Variants in IRAG1 observed in about 807,000 individuals in gnomAD.
IRAG1 encodes the protein IP3R-associated cGMP kinase substrate.
Under a neutral mutation model 106.2 loss-of-function variants are expected in IRAG1, and 62 were observed. That is an observed-to-expected ratio of 0.58 (90% CI 0.48 to 0.72). The LOEUF is 0.72. Ranked by LOEUF, IRAG1 falls within the 30% of genes least tolerant of loss-of-function variation. The pLI, the probability that IRAG1 is intolerant of heterozygous loss-of-function variation, is 0.00. For synonymous variants in IRAG1, 462 were observed against 443.9 expected, an observed-to-expected ratio of 1.04 and a Z score of -0.51; for missense variants, 1,064 against 1,140.7, an observed-to-expected ratio of 0.93 and a Z score of 0.97.
intron 1 of IRAG1, among the ~76,000 whole-genome samples, chr11:10,680,538 AGGGGAAGG>A (rs1181662868): frequency 9.8e-5 from 12 of 122,534 alleles, no homozygotes; most frequent in African/African-American, 4.3e-4. Context: ...GAAGGAAGGA[AGGGGAAGG>A]GGAAGGGGAA....
chr11:10,678,856 T>C (rs1860915438), intron 1 of IRAG1, among the ~76,000 whole-genome samples: 1 of 152,192 alleles, frequency 6.6e-6, no homozygotes, highest in Admixed American at 6.5e-5. Flanking sequence ...TGTCACCTTC[T>C]GCAATCCTGG....
chr11:10,633,093 GA>G (rs1856832479), intron 3 of IRAG1, among the ~76,000 whole-genome samples: 1 of 53,754 alleles, frequency 1.9e-5, no homozygotes, highest in Non-Finnish European at 3.7e-5. Context: ...TTTTTTTTTT[GA>G]GACGGAGTCT....
At chr11:10,679,130 T>C (rs1860935615) in intron 1 of IRAG1, among the ~76,000 whole-genome samples, 1 of 152,200 alleles carries the variant, frequency 6.6e-6, no homozygotes, top group Non-Finnish European at 1.5e-5. Context: ...CCAATCTTAG[T>C]GTCCTAGTTC....
intron 1 of IRAG1, among the ~76,000 whole-genome samples, chr11:10,661,501 T>G (rs749081403): frequency 2.6e-5 from 4 of 152,204 alleles, no homozygotes; most frequent in Non-Finnish European, 5.9e-5. Flanking sequence ...CAGGCTAAAG[T>G]CTAAGCATCA....
intron 20 of IRAG1, among the ~76,000 whole-genome samples, chr11:10,577,009 C>T (rs1313147173): frequency 2.0e-5 from 3 of 152,228 alleles, no homozygotes; most frequent in African/African-American, 7.2e-5. Context: ...CAGTTCCAAG[C>T]TCTAACCTGT....
intron 12 of IRAG1, among the ~76,000 whole-genome samples, chr11:10,606,201 G>A (rs1854462395): frequency 6.6e-6 from 1 of 152,166 alleles, no homozygotes; most frequent in Non-Finnish European, 1.5e-5. Context: ...GTCCGCTACA[G>A]AATGAAATGC....
At chr11:10,611,415 A>T (rs534819844) in intron 10 of IRAG1, among the ~76,000 whole-genome samples, 1 of 152,316 alleles carries the variant, frequency 6.6e-6, no homozygotes, top group East Asian at 1.9e-4. Flanking sequence ...CTCCTGAGAT[A>T]TCTATAGGAT....
At chr11:10,681,523 A>G (rs1296616804) in intron 1 of IRAG1, among the ~76,000 whole-genome samples, 1 of 152,238 alleles carries the variant, frequency 6.6e-6, no homozygotes, top group Non-Finnish European at 1.5e-5. Context: ...TGTCACTGAC[A>G]GTGCCCAGCT....
chr11:10,603,600 G>A (rs1274553108), intron 13 of IRAG1, among the ~76,000 whole-genome samples: 2 of 151,998 alleles, frequency 1.3e-5, no homozygotes, highest in East Asian at 1.9e-4. Flanking sequence ...GTTTGGTACC[G>A]GTTTGCGGCC....
intron 18 of IRAG1, among the ~76,000 whole-genome samples, chr11:10,590,117 T>A (rs1852477429): frequency 6.6e-6 from 1 of 152,108 alleles, no homozygotes; most frequent in Non-Finnish European, 1.5e-5. Flanking sequence ...TTAGTGGGTT[T>A]CTCAGTCAGA....
rs890626748 is a variant in IRAG1, at chr11:10,628,201, G to C, written c.653-176C>G. The C allele has an allele frequency of 1.4e-6, 1 of 726,636 alleles. No individual in the cohort carries two copies. Among genetic ancestry groups the C allele is most frequent in the African/African-American group, 1.7e-5 (1 of 57,684 alleles). 45.0% of individuals were successfully genotyped at this position (726,636 alleles called of 1,614,324 possible). ...TGGGCCCTCACAGAATGTTCACAGA[G>C]ACCACAGGAGGAAACTGAGGCACAG... On this transcript the variant is annotated intron_variant, in intron 6 of 20. Transcript: ENST00000423302. This position sits in a 1 kb window ranked among gnomAD's most constrained non-coding sequence, Gnocchi z 4.1.
intron 20 of IRAG1, among the ~76,000 whole-genome samples, chr11:10,579,248 G>A (rs1851146894): frequency 6.6e-6 from 1 of 152,120 alleles, no homozygotes; most frequent in Admixed American, 6.5e-5. Flanking sequence ...CACCAACTGG[G>A]CTCTATTGAT....
chr11:10,643,345 A>G (rs1486770394), intron 2 of IRAG1, among the ~76,000 whole-genome samples: 1 of 152,134 alleles, frequency 6.6e-6, no homozygotes, highest in Admixed American at 6.5e-5. Flanking sequence ...TGGCTCCCCA[A>G]AGGCTCCCCG....
intron 18 of IRAG1, 70 bp downstream of exon 18, chr11:10,591,478 G>T (rs1219418078): frequency 2.2e-6 from 3 of 1,347,378 alleles, no homozygotes; most frequent in African/African-American, 1.5e-5. Flanking sequence ...AAAAATGGGA[G>T]GAAGGAAAGT....
In IRAG1 at chr11:10,668,123, A is replaced by G. The variant is rs115576281; in HGVS notation, c.68-15941T>C. 3.1e-3 allele frequency among the ~76,000 whole-genome samples: 466 copies of G among 152,170 alleles called. 5 individuals are homozygous for G. Among genetic ancestry groups the G allele is most frequent in the African/African-American group, 0.011 (437 of 41,508 alleles). On this transcript the variant is annotated intron_variant, in intron 1 of 20. Coordinates refer to ENST00000423302, the MANE Select transcript of IRAG1 (RefSeq NM_130385.4). The stretch of plus-strand genomic sequence containing the variant: ...ATCCCCCCATCTGTCTCCATGAAAG[A>G]CCCTACTCATCCTTCAGGAGCCACC...
chr11:10,580,440 A>G lies in IRAG1; in HGVS notation c.2495+15T>C. 6.2e-7 allele frequency: 1 copy of G among 1,605,186 alleles called. No individual in the cohort carries two copies. Among genetic ancestry groups the G allele is most frequent in the Non-Finnish European group, 8.5e-7 (1 of 1,177,388 alleles). On this transcript the variant is annotated intron_variant, in intron 20 of 20. Coordinates refer to ENST00000423302, the MANE Select transcript of IRAG1 (RefSeq NM_130385.4). Reference sequence around the variant, plus strand: ...ATTTCAGCAACGGCAAGGACTCCAAACACAGGCTTCCCACCTGCTTCTTGG... The same window carrying G: ...ATTTCAGCAACGGCAAGGACTCCAAGCACAGGCTTCCCACCTGCTTCTTGG...
intron 20 of IRAG1, among the ~76,000 whole-genome samples, chr11:10,578,804 G>A (rs1851091475): frequency 1.3e-5 from 2 of 152,120 alleles, no homozygotes; most frequent in Non-Finnish European, 2.9e-5. Context: ...AAGACATTGA[G>A]CCCCTTGCTT....
chr11:10,584,039 G>T (rs1851668491), intron 18 of IRAG1, among the ~76,000 whole-genome samples: 1 of 152,114 alleles, frequency 6.6e-6, no homozygotes, highest in South Asian at 2.1e-4. Context: ...GGAGATCATT[G>T]CAGGTATGGG....
At chr11:10,622,150 G>A (rs1855881329) in intron 10 of IRAG1, among the ~76,000 whole-genome samples, 1 of 151,986 alleles carries the variant, frequency 6.6e-6, no homozygotes, top group African/African-American at 2.4e-5. Context: ...CACCCCCTCT[G>A]AAAAAGGGAG....
Sources: gnomAD v4.1 joint callset for allele counts (sites outside exome capture counted in the v4.1 genomes callset) on GRCh38, gnomAD v4.1.1 for gene constraint, Gnocchi (gnomAD v3.1) non-coding constraint, MANE v1.5 for transcripts, NCBI Gene and HGNC (gene_info 2026-07-23, HGNC 2026-07-21) for gene names.